The following NCOA7 variants were observed in gnomAD, a reference collection of about 807,000 sequenced individuals.
NCOA7 encodes 140 kDa estrogen receptor-associated protein.
A neutral mutation model predicts 104.3 loss-of-function variants in NCOA7; 45 were observed. The observed-to-expected ratio is 0.43, with a 90% CI of 0.34 to 0.55. NCOA7 has a LOEUF of 0.55. Ranked by LOEUF, NCOA7 falls within the 20% of genes least tolerant of loss-of-function variation. NCOA7 has a pLI of 0.02. For missense variants in NCOA7, 1,041 were observed against 1,119.7 expected, an observed-to-expected ratio of 0.93 and a Z score of 1.00; for synonymous variants, 398 against 402.3, an observed-to-expected ratio of 0.99 and a Z score of 0.13.
At chr6:125,838,121 A>T (rs553343279) in intron 2 of NCOA7, among the ~76,000 whole-genome samples, 4 of 152,196 alleles carry the variant, frequency 2.6e-5, no homozygotes, top group Non-Finnish European at 5.9e-5. Context: ...AGAGAAGCAT[A>T]CAATTTTTTT....
At position 125,802,703 on chromosome 6, in the gene NCOA7, A is replaced by G. The variant is rs529612130; in HGVS notation, c.-65+11636A>G. 6.6e-5 allele frequency among the ~76,000 whole-genome samples: 10 copies of G among 152,290 alleles called. No homozygotes were observed. The East Asian group carries it at 1.9e-3, about 29-fold the overall frequency. On this transcript the variant is annotated intron_variant, in intron 1 of 15. Coordinates refer to ENST00000392477, the MANE Select transcript of NCOA7 (RefSeq NM_181782.5). ...AAGAAGTGCCTAATAAGGAACAACA[A>G]TCCAGTCTACCAAAAAGCCATTTTC...
intron 2 of NCOA7, among the ~76,000 whole-genome samples, chr6:125,830,465 G>T (rs1157251115): frequency 2.0e-5 from 3 of 152,156 alleles, no homozygotes; most frequent in African/African-American, 4.8e-5. Flanking sequence ...GAGGTGGAAG[G>T]ATTGTTTGAG....
chr6:125,785,073 C>G (rs941741475), intron 1 of NCOA7, among the ~76,000 whole-genome samples: 1 of 152,126 alleles, frequency 6.6e-6, no homozygotes, highest in Non-Finnish European at 1.5e-5. Context: ...TGCGGTGGCT[C>G]ACGCCTGTAA....
At chr6:125,874,571 A>G (rs1783204752) in intron 3 of NCOA7, among the ~76,000 whole-genome samples, 1 of 152,242 alleles carries the variant, frequency 6.6e-6, no homozygotes, top group Non-Finnish European at 1.5e-5. Flanking sequence ...ACTCATTTAC[A>G]TTAGGCATCA....
intron 8 of NCOA7, 27 bp downstream of exon 8, chr6:125,885,370 A>G (rs761853674): frequency 1.2e-6 from 2 of 1,608,868 alleles, no homozygotes; most frequent in East Asian, 2.2e-5. Flanking sequence ...TTTACCAGGA[A>G]AAAAGGGGTG....
chr6:125,790,256 G>A (rs1291124633), upstream of NCOA7, among the ~76,000 whole-genome samples: 1 of 152,228 alleles, frequency 6.6e-6, no homozygotes, highest in Non-Finnish European at 1.5e-5. Context: ...GAAAGTCAAA[G>A]GGCTTTAAAG....
At chr6:125,886,955 A>G (rs1784312729) in intron 8 of NCOA7, among the ~76,000 whole-genome samples, 1 of 152,242 alleles carries the variant, frequency 6.6e-6, no homozygotes, top group African/African-American at 2.4e-5. Context: ...AGTGAGTAAG[A>G]AGGTAACAAC....
At chr6:125,791,997 A>T (rs1437774430) in intron 1 of NCOA7, among the ~76,000 whole-genome samples, 1 of 149,918 alleles carries the variant, frequency 6.7e-6, no homozygotes, top group Non-Finnish European at 1.5e-5. Flanking sequence ...CTCCAATTTT[A>T]TAGTCACTTA....
chr6:125,818,152 A>G (rs1465989702), intron 2 of NCOA7, among the ~76,000 whole-genome samples: 2 of 148,520 alleles, frequency 1.3e-5, no homozygotes, highest in Non-Finnish European at 3.0e-5. Flanking sequence ...CACTTGCCCT[A>G]CATAGTGATT....
intron 2 of NCOA7, among the ~76,000 whole-genome samples, chr6:125,845,058 C>A (rs1005464915): frequency 2.0e-5 from 3 of 152,160 alleles, no homozygotes; most frequent in African/African-American, 7.2e-5. Flanking sequence ...GGATGTGCAT[C>A]CAAAGTACAA....
intron 2 of NCOA7, among the ~76,000 whole-genome samples, chr6:125,837,243 T>C (rs530069567): frequency 1.3e-5 from 2 of 150,718 alleles, no homozygotes; most frequent in Admixed American, 6.6e-5. Context: ...AGTTTGTTTC[T>C]CATTCATTCA....
intron 2 of NCOA7, among the ~76,000 whole-genome samples, chr6:125,845,822 C>T (rs1562891260): frequency 6.6e-6 from 1 of 152,134 alleles, no homozygotes; most frequent in Non-Finnish European, 1.5e-5. Context: ...ACCGTTTTCT[C>T]ATACATCCAC....
chr6:125,834,028 A>G (rs1164754776), intron 2 of NCOA7, among the ~76,000 whole-genome samples: 1 of 152,166 alleles, frequency 6.6e-6, no homozygotes, highest in Non-Finnish European at 1.5e-5. Flanking sequence ...TAAAATCGTA[A>G]TGCTTGCAAA....
At chr6:125,909,764 C>A (rs1271558494) in intron 10 of NCOA7, among the ~76,000 whole-genome samples, 2 of 151,866 alleles carry the variant, frequency 1.3e-5, no homozygotes, top group African/African-American at 2.4e-5. Flanking sequence ...GAGCCGAGAT[C>A]GCACCACTCC....
At chr6:125,854,963 A>G in intron 2 of NCOA7, 57 bp from the exon 3 acceptor site, 1 of 1,229,828 alleles carries the variant, frequency 8.1e-7, no homozygotes, top group African/African-American at 1.5e-5. Flanking sequence ...AATTAATATG[A>G]TTTCTACCAG....
At chr6:125,842,577 TA>T (rs1340804251) in intron 2 of NCOA7, among the ~76,000 whole-genome samples, 1 of 152,120 alleles carries the variant, frequency 6.6e-6, no homozygotes, top group African/African-American at 2.4e-5. Context: ...TCTAGCAAAA[TA>T]AAAAAATATT....
At chr6:125,860,599 C>G (rs916928218) in intron 3 of NCOA7, among the ~76,000 whole-genome samples, 5 of 152,208 alleles carry the variant, frequency 3.3e-5, no homozygotes, top group Non-Finnish European at 5.9e-5. Context: ...CCACCCACCT[C>G]GGCCTCCCCA....
intron 1 of NCOA7, among the ~76,000 whole-genome samples, chr6:125,814,643 A>G (rs1777410566): frequency 6.6e-6 from 1 of 152,094 alleles, no homozygotes; most frequent in Admixed American, 6.6e-5. Flanking sequence ...TCTGGAGACA[A>G]CCTTTTTTTA....
chr6:125,859,490 T>G (rs1781863560), intron 3 of NCOA7, among the ~76,000 whole-genome samples: 1 of 152,152 alleles, frequency 6.6e-6, no homozygotes, highest in African/African-American at 2.4e-5. Flanking sequence ...ATAATGAATG[T>G]ATCGAAAAAA....
Sources: gnomAD v4.1 joint callset for allele counts (sites outside exome capture counted in the v4.1 genomes callset) on GRCh38, gnomAD v4.1.1 for gene constraint, MANE v1.5 for transcripts, NCBI Gene and HGNC (gene_info 2026-07-23, HGNC 2026-07-21) for gene names.